The following DLGAP2 variants were observed in gnomAD, a reference collection of about 807,000 sequenced individuals.
DLGAP2 encodes the protein DLG associated protein 2.
In DLGAP2, 26 loss-of-function variants were observed where a neutral mutation model predicts 100.3. The observed-to-expected ratio is 0.26, with a 90% CI of 0.19 to 0.36. The LOEUF (loss-of-function observed/expected upper bound fraction) is 0.36, where lower values mean the gene tolerates loss of function less well. Ranked by LOEUF, DLGAP2 falls within the 10% of genes least tolerant of loss-of-function variation. DLGAP2 has a pLI of 1.00. For missense variants in DLGAP2, 1,858 were observed against 1,453.2 expected (o/e 1.28, Z -4.53); for synonymous variants, 886 against 630.1 (o/e 1.41, Z -6.08).
chr8:1,083,348 C>T (rs1210472694), intron 2 of DLGAP2, among the ~76,000 whole-genome samples: 1 of 152,174 alleles, frequency 6.6e-6, no homozygotes, highest in Non-Finnish European at 1.5e-5. Context: ...CCCAGCCTTT[C>T]GGAGAGGCAG....
At chr8:767,984 A>G (rs886412809) in intron 1 of DLGAP2, among the ~76,000 whole-genome samples, 1 of 152,182 alleles carries the variant, frequency 6.6e-6, no homozygotes, top group Non-Finnish European at 1.5e-5. Flanking sequence ...TAACTCAGAA[A>G]AGCAACACTT....
At chr8:1,571,626 G>T (rs1318833229) in intron 6 of DLGAP2, among the ~76,000 whole-genome samples, 2 of 138,610 alleles carry the variant, frequency 1.4e-5, no homozygotes, top group Non-Finnish European at 3.1e-5. Flanking sequence ...AGGAGAGAGG[G>T]GGTGAACTAT....
rs1820998256 is a variant in DLGAP2 at position 759,092 on chromosome 8, G to GACAGCTTTCCCA, written c.18+21267_18+21268insACAGCTTTCCCA. On this transcript the variant is annotated intron_variant, in intron 1 of 14. Transcript: ENST00000637795. Reference sequence around the variant, plus strand: ...TATCAATACCCCCCACAGCCTTCCTGTTATCAATACCCCCGACAGCCTTCC... The same window carrying GACAGCTTTCCCA: ...TATCAATACCCCCCACAGCCTTCCTGACAGCTTTCCCATTATCAATACCCCCGACAGCCTTCC... Among the ~76,000 whole-genome samples the GACAGCTTTCCCA allele has an allele frequency of 2.3e-3, 31 of 13,682 alleles. 7 individuals carry two copies. The highest frequency in any genetic ancestry group is 4.7e-3 in the African/African-American group (23 of 4,892). 9.0% of individuals were successfully genotyped at this position (13,682 alleles called of 152,430 possible).
Position 1,150,550 on chromosome 8 carries a change from G to A in DLGAP2, c.74-108301G>A, listed in dbSNP as rs901932714. On this transcript the variant is annotated intron_variant, in intron 2 of 14. Coordinates refer to ENST00000637795, the MANE Select transcript of DLGAP2 (RefSeq NM_001346810.2). ...TTAAAATTCCCCTTGGGACAGAGAC[G>A]AGGATTTGTCATCATGCCTCATTCC... is the stretch of plus-strand genomic sequence containing the variant. Among the ~76,000 whole-genome samples the A allele has an allele frequency of 3.9e-5, 6 of 152,180 alleles. No homozygotes were observed. The East Asian group carries it at 5.8e-4, about 15-fold the overall frequency.
At chr8:809,713 T>G (rs1796336569) in intron 1 of DLGAP2, among the ~76,000 whole-genome samples, 1 of 151,926 alleles carries the variant, frequency 6.6e-6, no homozygotes, top group East Asian at 1.9e-4. Flanking sequence ...TTGAGATGAG[T>G]GTTTGGCTGA....
intron 3 of DLGAP2, among the ~76,000 whole-genome samples, chr8:1,316,174 A>G (rs1445419484): frequency 8.2e-6 from 1 of 122,196 alleles, no homozygotes; most frequent in Non-Finnish European, 1.7e-5. Flanking sequence ...CACTCGAGAA[A>G]CTCAGCAGCG....
chr8:1,507,300 A>T (rs1218149373), intron 4 of DLGAP2, among the ~76,000 whole-genome samples: 1 of 152,122 alleles, frequency 6.6e-6, no homozygotes, highest in African/African-American at 2.4e-5. Context: ...GCCCTGTCCC[A>T]CGGGGAGGCA....
chr8:1,229,554 G>A (rs1054981425), intron 2 of DLGAP2, among the ~76,000 whole-genome samples: 1 of 151,912 alleles, frequency 6.6e-6, no homozygotes, highest in African/African-American at 2.4e-5. Flanking sequence ...TTTTTCTGTG[G>A]GATTAGGTGT....
intron 2 of DLGAP2, among the ~76,000 whole-genome samples, chr8:1,038,910 G>C (rs527478290): frequency 6.6e-6 from 1 of 152,098 alleles, no homozygotes; most frequent in Non-Finnish European, 1.5e-5. Flanking sequence ...TCAGTTTCTC[G>C]GGTAACCCAT....
At chr8:1,421,939 C>G (rs372567894) in intron 3 of DLGAP2, among the ~76,000 whole-genome samples, 5 of 152,128 alleles carry the variant, frequency 3.3e-5, no homozygotes, top group South Asian at 2.1e-4. Context: ...GCACTCTAGC[C>G]TGGGCGACAA....
intron 3 of DLGAP2, among the ~76,000 whole-genome samples, chr8:1,430,790 C>T (rs1356358684): frequency 6.6e-6 from 1 of 152,154 alleles, no homozygotes; most frequent in Non-Finnish European, 1.5e-5. Context: ...TTGAAACATC[C>T]TTTGTTAGTC....
chr8:1,496,017 T>C (rs1297832685), intron 3 of DLGAP2, among the ~76,000 whole-genome samples: 1 of 152,102 alleles, frequency 6.6e-6, no homozygotes, highest in African/African-American at 2.4e-5. Flanking sequence ...CCCGGCACGG[T>C]TCTCCTTCGA....
intron 8 of DLGAP2, among the ~76,000 whole-genome samples, chr8:1,664,859 G>A (rs1798503957): frequency 6.6e-6 from 1 of 152,222 alleles, no homozygotes. Context: ...CAACCTGGCA[G>A]GCATGTGCAC....
chr8:1,203,665 C>G (rs1019693995), intron 2 of DLGAP2, among the ~76,000 whole-genome samples: 1 of 152,148 alleles, frequency 6.6e-6, no homozygotes, highest in Non-Finnish European at 1.5e-5. Context: ...GATGACGGTG[C>G]GAAGAACTGA....
intron 3 of DLGAP2, among the ~76,000 whole-genome samples, chr8:1,347,570 T>C (rs958334545): frequency 5.9e-5 from 9 of 151,666 alleles, no homozygotes; most frequent in African/African-American, 2.2e-4. Flanking sequence ...CAGAGCTACA[T>C]TGCTGTCTTG....
At chr8:1,586,129 C>A (rs910119290) in intron 6 of DLGAP2, among the ~76,000 whole-genome samples, 8 of 152,242 alleles carry the variant, frequency 5.3e-5, no homozygotes, top group African/African-American at 1.9e-4. Flanking sequence ...TGAGCCAACA[C>A]GGGTTTCTCT....
chr8:824,650 G>A (rs893590528), intron 1 of DLGAP2, among the ~76,000 whole-genome samples: 6 of 151,692 alleles, frequency 4.0e-5, no homozygotes, highest in East Asian at 3.9e-4. Context: ...TGGTGGTTCC[G>A]CCTGTTTGGG....
intron 2 of DLGAP2, among the ~76,000 whole-genome samples, chr8:1,086,881 G>A (rs1803990167): frequency 6.6e-6 from 1 of 152,182 alleles, no homozygotes; most frequent in Non-Finnish European, 1.5e-5. Context: ...GAAAACATTG[G>A]ACTTGAACAA....
intron 2 of DLGAP2, among the ~76,000 whole-genome samples, chr8:1,093,888 C>T (rs73182604): frequency 0.16 from 24,183 of 152,188 alleles, 1,972 homozygotes; most frequent in Admixed American, 0.21. Flanking sequence ...GGGTGCCAGC[C>T]GAGGGGTCTG....
Sources: allele counts gnomAD v4.1 joint callset (sites outside exome capture counted in the v4.1 genomes callset), GRCh38; gene constraint gnomAD v4.1.1; transcripts MANE v1.5; gene names NCBI Gene and HGNC (gene_info 2026-07-23, HGNC 2026-07-21).